CNTNAP2: variants seen among roughly 807,000 people sequenced by gnomAD.
CNTNAP2 encodes the protein contactin-associated protein-like 2.
Under a neutral mutation model 155.2 loss-of-function variants are expected in CNTNAP2, and 98 were observed. That is an observed-to-expected ratio of 0.63 (90% CI 0.54 to 0.75). The LOEUF (loss-of-function observed/expected upper bound fraction) is 0.75, where lower values mean the gene tolerates loss of function less well. Ranked by LOEUF, CNTNAP2 falls within the 30% of genes least tolerant of loss-of-function variation. The pLI is 0.00. For missense variants in CNTNAP2, 1,727 were observed against 1,688.1 expected (o/e 1.02, Z -0.40); for synonymous variants, 651 against 631.2 (o/e 1.03, Z -0.47).
intron 4 of CNTNAP2, among the ~76,000 whole-genome samples, chr7:147,067,757 A>C (rs188654390): frequency 1.3e-3 from 200 of 152,342 alleles, no homozygotes; most frequent in African/African-American, 4.6e-3. Context: ...AAATAATTTC[A>C]ACAAGCATTC....
At chr7:148,009,412 G>T (rs1441903156) in intron 15 of CNTNAP2, among the ~76,000 whole-genome samples, 3 of 152,116 alleles carry the variant, frequency 2.0e-5, no homozygotes, top group Non-Finnish European at 4.4e-5. Flanking sequence ...CATAAGTCAG[G>T]GTTCATCTGT....
intron 13 of CNTNAP2, among the ~76,000 whole-genome samples, chr7:147,655,887 C>T (rs1331094350): frequency 2.0e-5 from 3 of 152,260 alleles, no homozygotes. Context: ...ATGGCATCCT[C>T]TTCCAATAGA....
chr7:147,366,365 C>T (rs1796229560), intron 9 of CNTNAP2, among the ~76,000 whole-genome samples: 2 of 152,116 alleles, frequency 1.3e-5, no homozygotes. Context: ...TCATTCCTCT[C>T]ATCAGTTTTC....
intron 2 of CNTNAP2, among the ~76,000 whole-genome samples, chr7:146,784,720 G>A (rs572098019): frequency 1.5e-4 from 23 of 152,184 alleles, no homozygotes; most frequent in Admixed American, 3.9e-4. Context: ...CTGAACGCCC[G>A]TTGTGTAGCC....
intron 16 of CNTNAP2, among the ~76,000 whole-genome samples, chr7:148,135,473 T>C (rs1804917557): frequency 6.6e-6 from 1 of 152,206 alleles, no homozygotes; most frequent in Non-Finnish European, 1.5e-5. Flanking sequence ...ATACTATCTA[T>C]TTTAAGTATG....
At chr7:147,046,785 T>C (rs1799364635) in intron 4 of CNTNAP2, among the ~76,000 whole-genome samples, 1 of 152,008 alleles carries the variant, frequency 6.6e-6, no homozygotes, top group South Asian at 2.1e-4. Flanking sequence ...ATCCCAGCAC[T>C]TTGGGAGGCC....
intron 3 of CNTNAP2, among the ~76,000 whole-genome samples, chr7:146,871,748 A>G (rs2129207343): frequency 1.3e-5 from 2 of 152,172 alleles, no homozygotes; most frequent in African/African-American, 4.8e-5. Flanking sequence ...GTTATAAATC[A>G]TATGATTTAT....
intron 1 of CNTNAP2, among the ~76,000 whole-genome samples, chr7:146,690,468 A>G (rs1394299450): frequency 1.3e-5 from 2 of 152,204 alleles, no homozygotes; most frequent in African/African-American, 4.8e-5. Context: ...TCACAAGTCT[A>G]TTGAAACATG....
At chr7:147,200,788 G>A (rs1802906609) in intron 8 of CNTNAP2, among the ~76,000 whole-genome samples, 1 of 152,104 alleles carries the variant, frequency 6.6e-6, no homozygotes, top group Non-Finnish European at 1.5e-5. Flanking sequence ...GTTAAAATAG[G>A]GCATTCTATA....
intron 8 of CNTNAP2, among the ~76,000 whole-genome samples, chr7:147,293,190 G>A (rs964210759): frequency 6.6e-6 from 1 of 152,186 alleles, no homozygotes; most frequent in Non-Finnish European, 1.5e-5. Context: ...ACATTCCAAA[G>A]TGACTCTTTG....
At chr7:147,149,649 A>G (rs1801785175) in intron 8 of CNTNAP2, among the ~76,000 whole-genome samples, 1 of 152,182 alleles carries the variant, frequency 6.6e-6, no homozygotes, top group African/African-American at 2.4e-5. Context: ...GTGGATAGAT[A>G]GATGGATGGA....
At chr7:147,581,885 A>G (rs957879183) in intron 12 of CNTNAP2, among the ~76,000 whole-genome samples, 1 of 152,170 alleles carries the variant, frequency 6.6e-6, no homozygotes, top group African/African-American at 2.4e-5. Flanking sequence ...AAAATACAAT[A>G]GTAAGGGCCT....
chr7:146,323,276 G>T (rs566408376), intron 1 of CNTNAP2, among the ~76,000 whole-genome samples: 1 of 151,732 alleles, frequency 6.6e-6, no homozygotes, highest in Non-Finnish European at 1.5e-5. Context: ...TTTGTCTAAA[G>T]GTTCTTTGTC....
At chr7:148,296,607 G>A (rs1438539968) in intron 21 of CNTNAP2, among the ~76,000 whole-genome samples, 2 of 146,290 alleles carry the variant, frequency 1.4e-5, no homozygotes, top group Non-Finnish European at 3.0e-5. Flanking sequence ...ACACAAGCAT[G>A]TCAGTTAAGG....
intron 9 of CNTNAP2, among the ~76,000 whole-genome samples, chr7:147,338,724 GAAAA>G (rs893975108): frequency 6.6e-6 from 1 of 151,128 alleles, no homozygotes; most frequent in African/African-American, 2.4e-5. Context: ...CAGAGTACAG[GAAAA>G]AAAACTCCAT....
chr7:146,534,996 C>T (rs1797824986), intron 1 of CNTNAP2, among the ~76,000 whole-genome samples: 2 of 138,332 alleles, frequency 1.4e-5, no homozygotes, highest in Admixed American at 8.2e-5. Context: ...CACACACGCT[C>T]ATACACAATT....
At chr7:146,926,799 T>C (rs1796618881) in intron 3 of CNTNAP2, among the ~76,000 whole-genome samples, 1 of 152,148 alleles carries the variant, frequency 6.6e-6, no homozygotes, top group Non-Finnish European at 1.5e-5. Flanking sequence ...AAAAGTAGTT[T>C]ATCTGTATAC....
intron 13 of CNTNAP2, among the ~76,000 whole-genome samples, chr7:147,828,134 A>T (rs1430774847): frequency 6.6e-6 from 1 of 152,190 alleles, no homozygotes; most frequent in Non-Finnish European, 1.5e-5. Context: ...CTTATTTCAG[A>T]TATGAAGATG....
At chr7:147,971,813 A>C (rs1027703645) in intron 14 of CNTNAP2, among the ~76,000 whole-genome samples, 20 of 152,186 alleles carry the variant, frequency 1.3e-4, no homozygotes, top group African/African-American at 4.3e-4. Context: ...AGATATCCAG[A>C]AGTAGAATTC....
Sources: gnomAD v4.1 joint callset for allele counts (sites outside exome capture counted in the v4.1 genomes callset) on GRCh38, gnomAD v4.1.1 for gene constraint, MANE v1.5 for transcripts, NCBI Gene and HGNC (gene_info 2026-07-23, HGNC 2026-07-21) for gene names.